PPP2R2B: variants seen among roughly 807,000 people sequenced by gnomAD.
PPP2R2B encodes serine/threonine-protein phosphatase 2A 55 kDa regulatory subunit B beta isoform.
Under a neutral mutation model 46.0 loss-of-function variants are expected in PPP2R2B, and 5 were observed. That is an observed-to-expected ratio of 0.11 (90% CI 0.06 to 0.23). PPP2R2B has a LOEUF of 0.23. PPP2R2B is among the 10% of genes least tolerant of loss of function. The pLI is 1.00. For synonymous variants in PPP2R2B, 215 were observed against 206.7 expected (o/e 1.04, Z -0.34); for missense variants, 367 against 575.0 (o/e 0.64, Z 3.70).
chr5:146,915,417 A>G (rs1443888909), intron 1 of PPP2R2B, among the ~76,000 whole-genome samples: 1 of 151,254 alleles, frequency 6.6e-6, no homozygotes. Context: ...CCTCCTACTC[A>G]ATAAATCCAA....
chr5:146,707,871 C>CT (rs1167182853), intron 2 of PPP2R2B, among the ~76,000 whole-genome samples: 1 of 152,124 alleles, frequency 6.6e-6, no homozygotes, highest in Non-Finnish European at 1.5e-5. Context: ...CAAAATTGTA[C>CT]TTTTTGGTGT....
intron 5 of PPP2R2B, among the ~76,000 whole-genome samples, chr5:146,681,810 T>G (rs1031646331): frequency 2.2e-4 from 34 of 152,152 alleles, no homozygotes; most frequent in African/African-American, 7.0e-4. Context: ...CAACCAAGGT[T>G]AGGGAAAGAC....
intron 2 of PPP2R2B, among the ~76,000 whole-genome samples, chr5:146,707,839 CA>C (rs531710776): frequency 4.1e-4 from 62 of 152,300 alleles, no homozygotes; most frequent in African/African-American, 1.4e-3. Context: ...TCTCTATAGA[CA>C]AAAGTTTATC....
intron 2 of PPP2R2B, among the ~76,000 whole-genome samples, chr5:146,813,034 A>G (rs1248612552): frequency 6.7e-6 from 1 of 150,242 alleles, no homozygotes; most frequent in African/African-American, 2.5e-5. Flanking sequence ...ACTCAGATAG[A>G]GCAAGTAATT....
At chr5:147,048,838 A>G (rs1028690310) in intron 1 of PPP2R2B, among the ~76,000 whole-genome samples, 4 of 152,136 alleles carry the variant, frequency 2.6e-5, no homozygotes, top group African/African-American at 7.2e-5. Context: ...CAATCCACAA[A>G]TATTTATTAT....
At chr5:146,855,568 A>G (rs991759406) in intron 2 of PPP2R2B, among the ~76,000 whole-genome samples, 1 of 152,126 alleles carries the variant, frequency 6.6e-6, no homozygotes, top group African/African-American at 2.4e-5. Context: ...TATTAGCTCT[A>G]TGATAAAATA....
chr5:146,909,968 GATTTA>G (rs1184373788), intron 1 of PPP2R2B, among the ~76,000 whole-genome samples: 1 of 152,186 alleles, frequency 6.6e-6, no homozygotes, highest in African/African-American at 2.4e-5. Context: ...GCAGCTAGAA[GATTTA>G]ATTTCCATTT....
At chr5:146,729,187 G>A (rs1212844029) in intron 2 of PPP2R2B, among the ~76,000 whole-genome samples, 1 of 152,226 alleles carries the variant, frequency 6.6e-6, no homozygotes, top group Admixed American at 6.5e-5. Flanking sequence ...TGGAGCAAAG[G>A]TGACTCTTGT....
At position 146,764,399 on chromosome 5, in the gene PPP2R2B, C is replaced by T. The variant is rs555633816; in HGVS notation, c.71-63257G>A. On this transcript the variant is annotated intron_variant, in intron 2 of 9. Coordinates refer to ENST00000394411, the MANE Select transcript of PPP2R2B (RefSeq NM_181675.4). ...TATTATTTCGCAGGAGTATTTAGGG[C>T]GCTATTTCTTCATTCCTTTCCAACT... Among the ~76,000 whole-genome samples the T allele has an allele frequency of 7.9e-5, 12 of 152,224 alleles. No homozygotes were observed. In the South Asian group the frequency reaches 1.7e-3, roughly 21 times the overall value.
chr5:146,625,449 T>C (rs1773986693), intron 7 of PPP2R2B, among the ~76,000 whole-genome samples: 1 of 152,200 alleles, frequency 6.6e-6, no homozygotes. Flanking sequence ...TGACTATAGT[T>C]GTTTACCTCT....
intron 8 of PPP2R2B, among the ~76,000 whole-genome samples, chr5:146,594,005 T>C (rs1420886565): frequency 6.6e-6 from 1 of 151,990 alleles, no homozygotes; most frequent in Non-Finnish European, 1.5e-5. Flanking sequence ...AAAGAGCAGA[T>C]AGGACTTGGG....
chr5:146,861,047 A>ATTTTTTT (rs869248861), intron 2 of PPP2R2B, among the ~76,000 whole-genome samples: 5 of 132,202 alleles, frequency 3.8e-5, no homozygotes, highest in Non-Finnish European at 6.4e-5. Context: ...TTCAAACTGA[A>ATTTTTTT]TTTTTTCTTT....
At position 146,784,458 on chromosome 5, in the gene PPP2R2B, T is replaced by C. The variant is rs372413642; in HGVS notation, c.71-83316A>G. On this transcript the variant is annotated intron_variant, in intron 2 of 9. Coordinates refer to ENST00000394411, the MANE Select transcript of PPP2R2B (RefSeq NM_181675.4). ...AAAATTGATTCAACACAACATTCCT[T>C]GGGATTATTAGATATTTTTACCCCA... 3.3e-5 allele frequency among the ~76,000 whole-genome samples: 5 copies of C among 152,298 alleles called. No individual in the cohort carries two copies. The South Asian group carries it at 1.0e-3, about 32-fold the overall frequency.
In PPP2R2B at chr5:146,818,260, C is replaced by G. The variant is rs539773342; in HGVS notation, c.70+59742G>C. Among the ~76,000 whole-genome samples the G allele has an allele frequency of 3.9e-5, 6 of 152,044 alleles. No homozygotes were observed. In the South Asian group the frequency reaches 1.2e-3, roughly 32 times the overall value. Reference sequence around the variant, plus strand: ...GCTGCTGTGGCCATAGCACTTAGTACTGTGTCTGGCACATAAGACAGCCAA... The same window carrying G: ...GCTGCTGTGGCCATAGCACTTAGTAGTGTGTCTGGCACATAAGACAGCCAA... On this transcript the variant is annotated intron_variant, in intron 2 of 9. Transcript: ENST00000394411.
At chr5:146,835,563 C>T (rs1759230614) in intron 2 of PPP2R2B, among the ~76,000 whole-genome samples, 1 of 152,174 alleles carries the variant, frequency 6.6e-6, no homozygotes, top group Admixed American at 6.5e-5. Context: ...TTGCCAGTCT[C>T]AGAGAATTAG....
chr5:146,751,637 T>C (rs189718867), intron 2 of PPP2R2B: 4 of 152,350 alleles, frequency 2.6e-5, no homozygotes, highest in African/African-American at 9.6e-5. Flanking sequence ...GTCAACTCAG[T>C]TCTTACCCTC....
chr5:146,761,893 T>C (rs1228508673), intron 2 of PPP2R2B, among the ~76,000 whole-genome samples: 1 of 152,134 alleles, frequency 6.6e-6, no homozygotes, highest in Non-Finnish European at 1.5e-5. Context: ...CTCACTAATC[T>C]AGGATGTTTG....
intron 2 of PPP2R2B, among the ~76,000 whole-genome samples, chr5:146,704,434 T>C (rs567906231): frequency 7.2e-5 from 11 of 152,384 alleles, no homozygotes; most frequent in Non-Finnish European, 1.5e-4. Context: ...TAAGTTTATA[T>C]GACAATTCCA....
chr5:146,650,475 T>C (rs1775878936), intron 6 of PPP2R2B, 72 bp downstream of exon 6: 1 of 1,418,916 alleles, frequency 7.0e-7, no homozygotes, highest in Non-Finnish European at 9.6e-7. Context: ...ATTCCATATT[T>C]TCTCCCAGCC....
Sources: allele counts gnomAD v4.1 joint callset (sites outside exome capture counted in the v4.1 genomes callset), GRCh38; gene constraint gnomAD v4.1.1; transcripts MANE v1.5; gene names NCBI Gene and HGNC (gene_info 2026-07-23, HGNC 2026-07-21).